The following RPS6KA2 variants were observed in gnomAD, a reference collection of about 807,000 sequenced individuals.
The protein encoded by RPS6KA2 is ribosomal protein S6 kinase alpha-2.
RPS6KA2 carries 42 observed loss-of-function variants against 91.8 expected under a neutral mutation model. That is an observed-to-expected ratio of 0.46 (90% CI 0.36 to 0.59). The LOEUF is 0.59. Among genes scored for constraint, RPS6KA2 ranks in the 20% least tolerant of loss-of-function variants. The probability of loss-of-function intolerance (pLI) is 0.00; values close to 1 mark genes in which losing one functional copy is unlikely to be tolerated. For missense variants in RPS6KA2, 798 were observed against 978.5 expected, an observed-to-expected ratio of 0.82 and a Z score of 2.46; for synonymous variants, 414 against 393.6, an observed-to-expected ratio of 1.05 and a Z score of -0.61.
At chr6:166,830,138 A>AAAAAAG (rs1554261427) in intron 2 of RPS6KA2, among the ~76,000 whole-genome samples, 2 of 129,042 alleles carry the variant, frequency 1.5e-5, no homozygotes, top group African/African-American at 5.8e-5. Flanking sequence ...AAAAAAAAAA[A>AAAAAAG]AAAGAAAGAA....
chr6:166,449,774 T>C (rs1418196002), intron 13 of RPS6KA2, among the ~76,000 whole-genome samples: 1 of 136,696 alleles, frequency 7.3e-6, no homozygotes, highest in Admixed American at 7.9e-5. Context: ...ACGGAGACCA[T>C]TACAGGGACC....
chr6:166,745,311 C>T (rs1411053579), intron 2 of RPS6KA2, among the ~76,000 whole-genome samples: 1 of 152,096 alleles, frequency 6.6e-6, no homozygotes, highest in Non-Finnish European at 1.5e-5. Flanking sequence ...GCCACCATGC[C>T]TGGCTAATTT....
intron 2 of RPS6KA2, among the ~76,000 whole-genome samples, chr6:166,679,351 C>A (rs894556155): frequency 5.3e-5 from 8 of 151,664 alleles, no homozygotes; most frequent in Non-Finnish European, 1.2e-4. Context: ...GTAATCACAG[C>A]TATTCAGGAG....
At chr6:166,634,841 G>A (rs148507947) in intron 2 of RPS6KA2, among the ~76,000 whole-genome samples, 274 of 151,986 alleles carry the variant, frequency 1.8e-3, no homozygotes, top group Non-Finnish European at 2.5e-3. Flanking sequence ...ACCTCAAGTG[G>A]TCCGCCCACC....
Position 166,438,866 on chromosome 6 carries a change from G to A in RPS6KA2, c.1333-6376C>T, listed in dbSNP as rs796856228. On this transcript the variant is annotated intron_variant, in intron 14 of 20. Transcript: ENST00000265678. ...GCTAAGCTGTGAGCTCCCTGGAGCA[G>A]GTTTGTGTTCTCACCTTGCCCTGCG... Among the ~76,000 whole-genome samples the A allele has an allele frequency of 1.2e-4, 19 of 152,314 alleles. 1 individual carries two copies. The highest frequency in any genetic ancestry group is 3.4e-4 in the African/African-American group (14 of 41,556).
chr6:166,702,875 A>C, intron 2 of RPS6KA2: 1 of 877,976 alleles, frequency 1.1e-6, no homozygotes, highest in Non-Finnish European at 1.8e-6. Flanking sequence ...ATTAATGAGA[A>C]AAACGAAAAT....
intron 2 of RPS6KA2, among the ~76,000 whole-genome samples, chr6:166,810,828 T>C (rs1779617223): frequency 6.6e-6 from 1 of 152,208 alleles, no homozygotes; most frequent in Non-Finnish European, 1.5e-5. Flanking sequence ...AAGCTGCCTC[T>C]TTCTGATCCT....
At chr6:166,830,201 C>T (rs1780151907) in intron 2 of RPS6KA2, among the ~76,000 whole-genome samples, 1 of 151,458 alleles carries the variant, frequency 6.6e-6, no homozygotes, top group Admixed American at 6.6e-5. Context: ...CAACATGGAG[C>T]CCATAACCTT....
chr6:166,456,469 T>A (rs1329289820), intron 12 of RPS6KA2, among the ~76,000 whole-genome samples: 1 of 152,240 alleles, frequency 6.6e-6, no homozygotes, highest in Admixed American at 6.5e-5. Flanking sequence ...TTGTGGAGTC[T>A]GCCTGATCGG....
intron 2 of RPS6KA2, among the ~76,000 whole-genome samples, chr6:166,679,337 G>A (rs571545533): frequency 1.6e-4 from 24 of 151,886 alleles, no homozygotes; most frequent in African/African-American, 5.8e-4. Context: ...GGTGGCGGGT[G>A]CCTGTAATCA....
At chr6:166,444,211 A>C (rs1336657042) in intron 14 of RPS6KA2, among the ~76,000 whole-genome samples, 1 of 151,890 alleles carries the variant, frequency 6.6e-6, no homozygotes, top group Non-Finnish European at 1.5e-5. Flanking sequence ...TTTCAAATAC[A>C]CCTCTCCCCT....
chr6:166,820,031 C>T (rs1251500452), intron 2 of RPS6KA2, among the ~76,000 whole-genome samples: 3 of 152,196 alleles, frequency 2.0e-5, no homozygotes. Context: ...TCCTGCAAAT[C>T]TGAGGTGAAG....
At chr6:166,789,246 G>A (rs1052910587) in intron 2 of RPS6KA2, among the ~76,000 whole-genome samples, 3 of 152,232 alleles carry the variant, frequency 2.0e-5, no homozygotes, top group African/African-American at 7.2e-5. Context: ...TACGCCCACG[G>A]AGTCTCGCTG....
chr6:166,577,452 G>A (rs760924556), intron 1 of RPS6KA2, among the ~76,000 whole-genome samples: 4 of 152,200 alleles, frequency 2.6e-5, no homozygotes, highest in Non-Finnish European at 4.4e-5. Flanking sequence ...CCAAGACCAT[G>A]GGAACCCACC....
intron 10 of RPS6KA2, chr6:166,475,786 A>G (rs1296038660): frequency 1.9e-6 from 1 of 533,170 alleles, no homozygotes; most frequent in Non-Finnish European, 3.8e-6. Flanking sequence ...TCTTAGACTC[A>G]GAAGCCTAGG....
intron 2 of RPS6KA2, among the ~76,000 whole-genome samples, chr6:166,537,798 T>C (rs949427041): frequency 3.9e-5 from 6 of 152,258 alleles, no homozygotes; most frequent in Non-Finnish European, 5.9e-5. Context: ...TAAGGAACGG[T>C]TGGCTTCATG....
chr6:166,525,590 C>G (rs900563724), intron 3 of RPS6KA2, among the ~76,000 whole-genome samples: 1 of 152,260 alleles, frequency 6.6e-6, no homozygotes, highest in Non-Finnish European at 1.5e-5. Context: ...ACAACCCTCA[C>G]TTCCAGGCAC....
At chr6:166,609,285 G>A (rs1323292819) in intron 1 of RPS6KA2, among the ~76,000 whole-genome samples, 1 of 152,130 alleles carries the variant, frequency 6.6e-6, no homozygotes, top group African/African-American at 2.4e-5. Context: ...TTAAAAAACT[G>A]GGTTCCGGGT....
At chr6:166,597,954 C>A (rs1785598499) in intron 1 of RPS6KA2, among the ~76,000 whole-genome samples, 1 of 152,212 alleles carries the variant, frequency 6.6e-6, no homozygotes. Context: ...ACAGACAGAG[C>A]TTTTGTGCAA....
Sources: allele counts gnomAD v4.1 joint callset (sites outside exome capture counted in the v4.1 genomes callset), GRCh38; gene constraint gnomAD v4.1.1; transcripts MANE v1.5; gene names NCBI Gene and HGNC (gene_info 2026-07-23, HGNC 2026-07-21).